The following SKIL variants were observed in gnomAD, a reference collection of about 807,000 sequenced individuals.
The protein encoded by SKIL is ski-like protein.
SKIL carries 20 observed loss-of-function variants against 69.6 expected under a neutral mutation model. The ratio of observed to expected loss-of-function variants is 0.29; its 90% CI spans 0.20 to 0.42. The LOEUF is 0.42. Ranked by LOEUF, SKIL falls within the 10% of genes least tolerant of loss-of-function variation. The pLI, the probability that SKIL is intolerant of heterozygous loss-of-function variation, is 1.00. For missense variants in SKIL, 745 were observed against 783.1 expected (o/e 0.95, Z 0.58); for synonymous variants, 310 against 279.9 (o/e 1.11, Z -1.08).
chr3:170,360,706 A>C lies in SKIL; in HGVS notation c.375A>C (p.Pro125=). 1 of 1,614,182 alleles carries C rather than the reference A, an allele frequency of 6.2e-7. No individual in the cohort carries two copies. The highest frequency in any genetic ancestry group is 8.5e-7 in the Non-Finnish European group (1 of 1,180,040). Residue 125 remains proline (P), a synonymous_variant, in exon 2 of 7, where the codon CCA becomes CCC. Transcript: ENST00000259119. ...SMSPTVFLPL[P]SPQVLPGPLL... ...CGCCTACTGTATTTCTGCCTCTTCC[A>C]TCACCTCAGGTTCTTCCTGGCCCAT...
At chr3:170,366,365 C>T (rs116602526) in intron 2 of SKIL, among the ~76,000 whole-genome samples, 2,061 of 151,982 alleles carry the variant, frequency 0.014, 53 homozygotes, top group African/African-American at 0.047. Context: ...CTCTTTCTTA[C>T]TCAAGTCGCC....
chr3:170,371,775 A>G (rs186836788), intron 2 of SKIL, among the ~76,000 whole-genome samples: 307 of 152,336 alleles, frequency 2.0e-3, no homozygotes, highest in African/African-American at 7.1e-3. Flanking sequence ...GCCTTGGGGC[A>G]TTTTAAATTC....
In SKIL at chr3:170,396,546, T is replaced by G. The variant is rs1738196537; in HGVS notation, c.*4129T>G. On this transcript the variant is annotated 3_prime_UTR_variant, in exon 7 of 7. Coordinates refer to ENST00000259119, the MANE Select transcript of SKIL (RefSeq NM_005414.5). The stretch of plus-strand genomic sequence containing the variant: ...ATTAAAGTTAAAATTTTGCCAATGA[T>G]GTACAGTTTTATGGTTAAAGTTGCT... 1 of 152,242 alleles carries G rather than the reference T, an allele frequency of 6.6e-6. No homozygotes were observed. Among genetic ancestry groups the G allele is most frequent in the South Asian group, 2.1e-4 (1 of 4,834 alleles). 9.4% of individuals were successfully genotyped at this position (152,242 alleles called of 1,614,324 possible). A position where few individuals can be genotyped will look rare whatever the true frequency, so the allele number is the denominator to read the frequency against.
Position 170,391,044 on chromosome 3 carries a change from A to C in SKIL, c.1680A>C (p.Lys560Asn). ...GATTCTTTACATTACAGGAAGTAAA[A>C]ATGTTGAGTAGTTCAAAATCTATGA... ...QKKQQLQMEV[K>N]MLSSSKSMKE... is the part of the protein sequence containing the mutation. The change falls in exon 6 of 7, where the codon AAA (lysine) becomes AAC (asparagine). Residue 560 changes from lysine to asparagine, a missense_variant. Coordinates refer to ENST00000259119, the MANE Select transcript of SKIL (RefSeq NM_005414.5). 2 of 1,532,962 alleles carry C rather than the reference A, an allele frequency of 1.3e-6. No individual in the cohort carries two copies. Among genetic ancestry groups the C allele is most frequent in the Non-Finnish European group, 1.8e-6 (2 of 1,116,744 alleles). The allele number at this position is 1,532,962 out of a possible 1,614,324, so 95.0% of individuals were successfully genotyped here.
rs947909295 is a variant in SKIL at position 170,368,325 on chromosome 3, A to G, written c.1098+6896A>G. On this transcript the variant is annotated intron_variant, in intron 2 of 6. Transcript: ENST00000259119. ...CTTTCTAAAATTAGTAACTGTTCCC[A>G]CTAGTTTACAGAGTATTTTTTCTAT... Among the ~76,000 whole-genome samples the G allele has an allele frequency of 6.6e-5, 10 of 152,228 alleles. 1 individual carries two copies. The highest frequency in any genetic ancestry group is 2.6e-4 in the Admixed American group (4 of 15,298).
chr3:170,369,681 C>T (rs537439614), intron 2 of SKIL, among the ~76,000 whole-genome samples: 4 of 152,116 alleles, frequency 2.6e-5, no homozygotes, highest in Middle Eastern at 3.4e-3. Context: ...GGATTACAGG[C>T]GTGAGCCACC....
intron 2 of SKIL, among the ~76,000 whole-genome samples, chr3:170,374,025 CTA>C (rs1041152935): frequency 3.3e-5 from 5 of 152,218 alleles, no homozygotes; most frequent in African/African-American, 9.6e-5. Flanking sequence ...ATCAAGCTCT[CTA>C]AATTATTTTT....
intron 2 of SKIL, among the ~76,000 whole-genome samples, chr3:170,361,828 G>A (rs1471780807): frequency 2.0e-5 from 3 of 150,248 alleles, no homozygotes; most frequent in East Asian, 2.0e-4. Context: ...CGCGTGATCC[G>A]CCCACCTTGG....
At chr3:170,358,187 G>A (rs906201285) in intron 1 of SKIL, among the ~76,000 whole-genome samples, 1 of 152,202 alleles carries the variant, frequency 6.6e-6, no homozygotes, top group Non-Finnish European at 1.5e-5. Flanking sequence ...AACTGCCCTG[G>A]TGTCCTCTTC....
At position 170,380,017 on chromosome 3, in the gene SKIL, T is replaced by C. The variant is rs148756521; in HGVS notation, c.1099-1227T>C. On this transcript the variant is annotated intron_variant, in intron 2 of 6. Transcript: ENST00000259119. ...ATGATACCTATTTAATGGGGGATAT[T>C]TGTTAGAATTAAGAATGATGTATAA... Among the ~76,000 whole-genome samples, 621 of 152,316 alleles carry C rather than the reference T, an allele frequency of 4.1e-3. 4 individuals are homozygous for C. The highest frequency in any genetic ancestry group is 6.3e-3 in the Non-Finnish European group (429 of 68,036).
intron 2 of SKIL, among the ~76,000 whole-genome samples, chr3:170,379,367 C>T (rs1012343387): frequency 1.3e-5 from 2 of 152,038 alleles, no homozygotes; most frequent in African/African-American, 4.8e-5. Context: ...TCGCATTCTC[C>T]CTCAGTTTCC....
chr3:170,363,200 T>G (rs970621817), intron 2 of SKIL, among the ~76,000 whole-genome samples: 1 of 152,212 alleles, frequency 6.6e-6, no homozygotes, highest in Non-Finnish European at 1.5e-5. Context: ...ACAGAAGAAA[T>G]GAATAAAGCA....
chr3:170,360,773 G>C lies in SKIL; in HGVS notation c.442G>C (p.Val148Leu). 1 of 1,614,166 alleles carries C rather than the reference G, an allele frequency of 6.2e-7. No individual in the cohort carries two copies. Among genetic ancestry groups the C allele is most frequent in the Non-Finnish European group, 8.5e-7 (1 of 1,180,034 alleles). The part of the protein sequence containing the change: ...SDSSTELTQT[V>L]LEGESISCFQ... ...TAGCTCCACAGAACTCACTCAGACT[G>C]TGTTGGAAGGGGAATCTATTTCTTG... Residue 148 changes from valine to leucine, a missense_variant, in exon 2 of 7, where the codon GTG (valine) becomes CTG (leucine). Physicochemically the swap from Val to Leu is conservative, Grantham distance 32. Coordinates refer to ENST00000259119, the MANE Select transcript of SKIL (RefSeq NM_005414.5).
intron 1 of SKIL, 95 bp from the exon 2 acceptor site, chr3:170,359,604 A>T (rs1016482072): frequency 2.7e-4 from 41 of 151,622 alleles, no homozygotes; most frequent in African/African-American, 9.4e-4. Context: ...AAAAGAAAAA[A>T]AAAAAAATAA....
chr3:170,360,116 GAACA>G lies in SKIL; in HGVS notation c.-214_-211del. The G allele has an allele frequency of 2.3e-6, 1 of 444,196 alleles. No homozygotes were observed. Among genetic ancestry groups the G allele is most frequent in the Non-Finnish European group, 4.0e-6 (1 of 252,330 alleles). The allele number at this position is 444,196 out of a possible 1,614,324, so 27.5% of individuals were successfully genotyped here. On this transcript the variant is annotated 5_prime_UTR_variant, in exon 2 of 7. Coordinates refer to ENST00000259119, the MANE Select transcript of SKIL (RefSeq NM_005414.5). ...TTTTCTTTATTATTAGAGGCAAAAC[GAACA>G]ATTTTATAGGATTTGTAGTGAAATT...
chr3:170,389,680 G>A (rs1303102889), intron 4 of SKIL, among the ~76,000 whole-genome samples: 1 of 152,144 alleles, frequency 6.6e-6, no homozygotes, highest in Non-Finnish European at 1.5e-5. Context: ...GCCTTATAAA[G>A]TATGAGTTTT....
At position 170,390,352 on chromosome 3, in the gene SKIL, ATG is replaced by A; in HGVS notation, c.1561_1562del (p.Val521HisfsTer3). 6.2e-7 allele frequency: 1 copy of A among 1,614,122 alleles called. No homozygotes were observed. Among genetic ancestry groups the A allele is most frequent in the Non-Finnish European group, 8.5e-7 (1 of 1,179,994 alleles). ...GCTTCATCTCCGCTTCTTGTGAAAG[ATG>A]TCATTTGTGAGGATGATAAGGGAAA... On this transcript the variant is annotated frameshift_variant, in exon 5 of 7. Transcript: ENST00000259119. LOFTEE classifies it high-confidence loss of function.
At chr3:170,383,754 T>G (rs999400931) in intron 3 of SKIL, among the ~76,000 whole-genome samples, 2 of 152,122 alleles carry the variant, frequency 1.3e-5, no homozygotes, top group Non-Finnish European at 2.9e-5. Context: ...CCCTGGGAGC[T>G]CCTCACTGAG....
At chr3:170,371,396 A>G (rs977196480) in intron 2 of SKIL, among the ~76,000 whole-genome samples, 3 of 152,290 alleles carry the variant, frequency 2.0e-5, no homozygotes, top group Admixed American at 6.5e-5. Flanking sequence ...AATTAGAGCT[A>G]CTTGGGAGGC....
Sources: allele counts gnomAD v4.1 joint callset (sites outside exome capture counted in the v4.1 genomes callset), GRCh38; gene constraint gnomAD v4.1.1; transcripts MANE v1.5; gene names NCBI Gene and HGNC (gene_info 2026-07-23, HGNC 2026-07-21).